ORC5: variants seen among roughly 807,000 people sequenced by gnomAD.
The protein encoded by ORC5 is protein phosphatase 1, regulatory subunit 117.
In ORC5, 39 loss-of-function variants were observed where a neutral mutation model predicts 58.8. The observed-to-expected ratio is 0.66, with a 90% confidence interval of 0.51 to 0.87. The LOEUF (loss-of-function observed/expected upper bound fraction) is 0.87. ORC5 is among the 40% of genes least tolerant of loss of function. ORC5 has a pLI of 0.00. For missense variants in ORC5, 493 were observed against 506.3 expected (o/e 0.97, Z 0.25); for synonymous variants, 218 against 177.6 (o/e 1.23, Z -1.81).
At chr7:104,196,723 A>C (rs1486690364) in intron 4 of ORC5, among the ~76,000 whole-genome samples, 1 of 152,202 alleles carries the variant, frequency 6.6e-6, no homozygotes, top group East Asian at 1.9e-4. Context: ...TACAAACATA[A>C]AATTAGGTAG....
At chr7:104,181,507 C>T (rs565621450) in intron 8 of ORC5, among the ~76,000 whole-genome samples, 12 of 152,000 alleles carry the variant, frequency 7.9e-5, no homozygotes, top group South Asian at 2.1e-4. Flanking sequence ...GCACAGAGGC[C>T]GGGTGTGGTG....
intron 12 of ORC5, among the ~76,000 whole-genome samples, chr7:104,160,201 G>A (rs1354005702): frequency 6.6e-6 from 1 of 152,064 alleles, no homozygotes; most frequent in Non-Finnish European, 1.5e-5. Context: ...GATTATATTT[G>A]TTACTCAAAC....
intron 5 of ORC5, 36 bp downstream of exon 5, chr7:104,195,107 G>C (rs1489138130): frequency 9.7e-7 from 1 of 1,032,432 alleles, no homozygotes; most frequent in Non-Finnish European, 1.4e-6. Flanking sequence ...CTATTCTCCT[G>C]CATATCATTT....
At chr7:104,196,485 A>ATAGC (rs1158134530) in intron 4 of ORC5, among the ~76,000 whole-genome samples, 2 of 152,212 alleles carry the variant, frequency 1.3e-5, no homozygotes, top group Non-Finnish European at 2.9e-5. Context: ...TAGGCCACCA[A>ATAGC]TAGCTACACT....
intron 12 of ORC5, among the ~76,000 whole-genome samples, chr7:104,154,369 T>C (rs1009372689): frequency 6.6e-6 from 1 of 152,058 alleles, no homozygotes; most frequent in African/African-American, 2.4e-5. Flanking sequence ...ATCTAAGTTA[T>C]AAAATATTAA....
At position 104,126,608 on chromosome 7, in the gene ORC5, C is replaced by G. The variant is rs1319844953; in HGVS notation, c.*240G>C. On this transcript the variant is annotated 3_prime_UTR_variant, in exon 14 of 14. Transcript: ENST00000297431. ...AGAGTAGAACAGATTGTGCTCAAAC[C>G]CTGCTGTTTATAATTAACACGTTGC... is the stretch of plus-strand genomic sequence containing the variant. 1 of 439,786 alleles carries G rather than the reference C, an allele frequency of 2.3e-6. No homozygotes were observed. Among genetic ancestry groups the G allele is most frequent in the Admixed American group, 4.3e-5 (1 of 23,222 alleles). The allele number at this position is 439,786 out of a possible 1,614,324, so 27.2% of individuals were successfully genotyped here.
Position 104,126,707 on chromosome 7 carries a change from C to G in ORC5, c.*141G>C, listed in dbSNP as rs1338906935. On this transcript the variant is annotated 3_prime_UTR_variant, in exon 14 of 14. Transcript: ENST00000297431. ...CCCAGACCAATCAGAATATTTTCAT[C>G]AGATTCCATGCTGGGCCAGCACCTG... 1 of 603,216 alleles carries G rather than the reference C, an allele frequency of 1.7e-6. No individual in the cohort carries two copies. Among genetic ancestry groups the G allele is most frequent in the Non-Finnish European group, 2.9e-6 (1 of 341,296 alleles). The allele number at this position is 603,216 out of a possible 1,614,324, so 37.4% of individuals were successfully genotyped here.
rs1454639411 is a variant in ORC5, at chr7:104,143,491, G to A, written c.1150-6598C>T. 9.9e-5 allele frequency among the ~76,000 whole-genome samples: 15 copies of A among 152,098 alleles called. 1 individual carries two copies. Among genetic ancestry groups the A allele is most frequent in the South Asian group, 2.1e-4 (1 of 4,804 alleles). On this transcript the variant is annotated intron_variant, in intron 12 of 13. Transcript: ENST00000297431. ...ACTTTCAGTTCTACCAAGATTCCCC[G>A]GCTAAATTAATCATGTAAATTGTGC...
intron 9 of ORC5, chr7:104,168,216 T>C: frequency 3.1e-6 from 3 of 982,530 alleles, no homozygotes; most frequent in Non-Finnish European, 4.0e-6. Flanking sequence ...TTTAAAGAAA[T>C]AGAAACTGCT....
intron 1 of ORC5, among the ~76,000 whole-genome samples, chr7:104,204,908 T>C (rs1005605466): frequency 6.6e-6 from 1 of 152,168 alleles, no homozygotes; most frequent in African/African-American, 2.4e-5. Context: ...TAGTTAATAC[T>C]ACAAATACTT....
chr7:104,193,983 G>C (rs1430830460), intron 5 of ORC5, among the ~76,000 whole-genome samples: 5 of 151,316 alleles, frequency 3.3e-5, no homozygotes, highest in Non-Finnish European at 7.4e-5. Context: ...CAACTTGACT[G>C]AAATGTGTAA....
intron 12 of ORC5, among the ~76,000 whole-genome samples, chr7:104,139,025 T>C (rs1254215230): frequency 6.6e-6 from 1 of 152,222 alleles, no homozygotes; most frequent in Non-Finnish European, 1.5e-5. Flanking sequence ...TCCTAATTTC[T>C]TATTTTTGTC....
rs747497110 is a variant in ORC5 at position 104,195,257 on chromosome 7, G to A, written c.442-3C>T. On this transcript the variant is annotated splice_polypyrimidine_tract_variant and splice_region_variant and intron_variant, in intron 4 of 13. Coordinates refer to ENST00000297431, the MANE Select transcript of ORC5 (RefSeq NM_002553.4). ...AGAACAGTCACATTTCTGTCAGCCT[G>A]TAAAAAGAAAGAAATAAAAGTAACT... 5.7e-5 allele frequency: 85 copies of A among 1,492,124 alleles called. No homozygotes were observed. The Middle Eastern group carries it at 8.7e-4, about 15-fold the overall frequency. 92.4% of individuals were successfully genotyped at this position (1,492,124 alleles called of 1,614,324 possible). A position where few individuals can be genotyped will look rare whatever the true frequency, so the allele number is the denominator to read the frequency against.
chr7:104,196,659 G>C (rs566791765), intron 4 of ORC5, among the ~76,000 whole-genome samples: 1 of 152,076 alleles, frequency 6.6e-6, no homozygotes, highest in African/African-American at 2.4e-5. Context: ...AATGCTTTAA[G>C]CACTTCTCCC....
chr7:104,196,401 T>G (rs1208510827), intron 4 of ORC5, among the ~76,000 whole-genome samples: 1 of 152,178 alleles, frequency 6.6e-6, no homozygotes, highest in Non-Finnish European at 1.5e-5. Context: ...AGATAGATCT[T>G]GAGTCTCAGT....
At chr7:104,161,388 C>A (rs1799019956) in intron 11 of ORC5, among the ~76,000 whole-genome samples, 1 of 151,966 alleles carries the variant, frequency 6.6e-6, no homozygotes, top group Non-Finnish European at 1.5e-5. Flanking sequence ...TGTTTAGAGA[C>A]AAGGTCCGCT....
At chr7:104,141,903 A>T (rs1798679726) in intron 12 of ORC5, among the ~76,000 whole-genome samples, 1 of 152,164 alleles carries the variant, frequency 6.6e-6, no homozygotes, top group African/African-American at 2.4e-5. Flanking sequence ...TACCCAATGC[A>T]ATCTACAGAT....
In ORC5 at chr7:104,188,260, G is replaced by T; in HGVS notation, c.675C>A (p.Leu225=). Residue 225 remains leucine (L), a synonymous_variant, in exon 6 of 14, where the codon CTC becomes CTA. Coordinates refer to ENST00000297431, the MANE Select transcript of ORC5 (RefSeq NM_002553.4). ...CAAAATGTTCATTTACCAGATGTCT[G>T]AGCTCTTTCAAATCTCGACAAACAG... ...FYTVCRDLKE[L]RHLAVLNFPK... The T allele has an allele frequency of 6.2e-7, 1 of 1,610,952 alleles. No homozygotes were observed. The highest frequency in any genetic ancestry group is 8.5e-7 in the Non-Finnish European group (1 of 1,178,088).
intron 5 of ORC5, among the ~76,000 whole-genome samples, chr7:104,194,809 A>T (rs1467506394): frequency 6.6e-6 from 1 of 152,160 alleles, no homozygotes; most frequent in Non-Finnish European, 1.5e-5. Flanking sequence ...CAAATATGAG[A>T]GCTGCTCATC....
Sources: gnomAD v4.1 joint callset for allele counts (sites outside exome capture counted in the v4.1 genomes callset) on GRCh38, gnomAD v4.1.1 for gene constraint, MANE v1.5 for transcripts, NCBI Gene and HGNC (gene_info 2026-07-23, HGNC 2026-07-21) for gene names.